The following UBE4B variants were observed in gnomAD, a reference collection of about 807,000 sequenced individuals.
The protein encoded by UBE4B is ubiquitin conjugation factor E4 B.
A neutral mutation model predicts 148.1 loss-of-function variants in UBE4B; 27 were observed. The ratio of observed to expected loss-of-function variants is 0.18; its 90% CI spans 0.13 to 0.25. UBE4B has a LOEUF of 0.25. Among genes scored for constraint, UBE4B ranks in the 10% least tolerant of loss-of-function variants. The pLI, the probability that UBE4B is intolerant of heterozygous loss-of-function variation, is 1.00. For missense variants in UBE4B, 1,170 were observed against 1,662.4 expected (o/e 0.70, Z 5.15); for synonymous variants, 596 against 619.3 (o/e 0.96, Z 0.56).
At chr1:10,176,580 A>T (rs1646431922) in intron 25 of UBE4B, among the ~76,000 whole-genome samples, 1 of 152,026 alleles carries the variant, frequency 6.6e-6, no homozygotes, top group Non-Finnish European at 1.5e-5. Flanking sequence ...TTAAATACTC[A>T]TCCTAGTGGG....
At chr1:10,091,916 A>AT (rs1644855081) in intron 2 of UBE4B, among the ~76,000 whole-genome samples, 2 of 151,822 alleles carry the variant, frequency 1.3e-5, no homozygotes, top group African/African-American at 4.8e-5. Context: ...TACCTGACTA[A>AT]TTTTTTAAGT....
In UBE4B at chr1:10,106,629, A is replaced by G; in HGVS notation, c.1196+46A>G. 1 of 1,490,140 alleles carries G rather than the reference A, an allele frequency of 6.7e-7. No individual in the cohort carries two copies. The allele number at this position is 1,490,140 out of a possible 1,614,324, so 92.3% of individuals were successfully genotyped here. ...TTGCATGTGTGTTTGCGGTGCAGGG[A>G]AAGGAGATTAACACGGTTTGGAAGA... On this transcript the variant is annotated intron_variant, in intron 7 of 27. Coordinates refer to ENST00000343090, the MANE Select transcript of UBE4B (RefSeq NM_001105562.3). The surrounding 1 kb of genome is among the most constrained non-coding windows in gnomAD (Gnocchi z 4.2).
rs1646166559 is a variant in UBE4B at position 10,161,910 on chromosome 1, T to G, written c.3198+624T>G. Among the ~76,000 whole-genome samples the G allele has an allele frequency of 6.6e-6, 1 of 152,196 alleles. No homozygotes were observed. The highest frequency in any genetic ancestry group is 2.4e-5 in the African/African-American group (1 of 41,454). On this transcript the variant is annotated intron_variant, in intron 23 of 27. Transcript: ENST00000343090. This position sits in a 1 kb window ranked among gnomAD's most constrained non-coding sequence, Gnocchi z 4.1. ...TAGATTGGCTTAGGTTTATTGATTC[T>G]GTTCTTGGAATTGTCAGGCTCAGAA...
At chr1:10,097,376 G>A (rs369030513) in intron 3 of UBE4B, among the ~76,000 whole-genome samples, 8 of 152,088 alleles carry the variant, frequency 5.3e-5, no homozygotes, top group Non-Finnish European at 8.8e-5. Context: ...CAGGGGTCCA[G>A]GATATATCTA....
At chr1:10,057,292 C>T (rs2101805041) in intron 1 of UBE4B, among the ~76,000 whole-genome samples, 1 of 152,006 alleles carries the variant, frequency 6.6e-6, no homozygotes, top group South Asian at 2.1e-4. Context: ...ACACAATTAA[C>T]AATTTTTGTT....
intron 20 of UBE4B, among the ~76,000 whole-genome samples, chr1:10,150,366 A>AT (rs2101985750): frequency 6.6e-6 from 1 of 152,362 alleles, no homozygotes; most frequent in East Asian, 1.9e-4. Context: ...GCACAGTGAT[A>AT]CAAAAGACAC....
chr1:10,106,207 A>G lies in UBE4B; in HGVS notation c.820A>G (p.Ser274Gly), dbSNP rs1273592776. 6.3e-7 allele frequency: 1 copy of G among 1,596,986 alleles called. No individual in the cohort carries two copies. The highest frequency in any genetic ancestry group is 8.6e-7 in the Non-Finnish European group (1 of 1,168,058). The change falls in exon 7 of 28, where the codon AGT becomes GGT. Residue 274 changes from serine (S) to glycine (G), a missense_variant. Physicochemically the swap from Ser to Gly is moderately conservative, Grantham distance 56. This residue lies in a region of UBE4B where 214 missense variants were observed against 209.1 expected (regional missense o/e 1.02). Transcript: ENST00000343090. This position sits in a 1 kb window ranked among gnomAD's most constrained non-coding sequence, Gnocchi z 4.2. ...GASSLSSLYESSPAPTPSFWS... is the reference protein window; with the variant it reads ...GASSLSSLYEGSPAPTPSFWS... ...TCTCAACTAATTTAGCCTCTATGAA[A>G]GTAGTCCGGCTCCCACTCCCAGTTT... is the stretch of plus-strand genomic sequence containing the variant.
At chr1:10,132,605 C>G in intron 15 of UBE4B, 123 bp downstream of exon 15, 1 of 723,742 alleles carries the variant, frequency 1.4e-6, no homozygotes, top group East Asian at 2.7e-5. Flanking sequence ...GGTAGACGAG[C>G]TTCCTGCTTT....
At chr1:10,129,669 A>G (rs1206278819) in intron 12 of UBE4B, among the ~76,000 whole-genome samples, 2 of 151,788 alleles carry the variant, frequency 1.3e-5, no homozygotes, top group Admixed American at 6.6e-5. Context: ...TTTTTTTTCT[A>G]AGAATCTCAC....
chr1:10,094,137 A>G (rs916748398), intron 2 of UBE4B, among the ~76,000 whole-genome samples: 8 of 152,322 alleles, frequency 5.3e-5, no homozygotes, highest in Admixed American at 3.3e-4. Flanking sequence ...TAAAATTTCA[A>G]TGTAAAACAT....
chr1:10,075,366 C>A (rs796440251), intron 2 of UBE4B, among the ~76,000 whole-genome samples: 8 of 152,348 alleles, frequency 5.3e-5, no homozygotes, highest in African/African-American at 1.9e-4. Flanking sequence ...CGCTATTACC[C>A]AGGTCCAAGG....
chr1:10,096,553 G>A (rs1644930907), intron 3 of UBE4B, among the ~76,000 whole-genome samples: 1 of 151,954 alleles, frequency 6.6e-6, no homozygotes, highest in African/African-American at 2.4e-5. Context: ...AAACCCTGTT[G>A]CTACTAAAAA....
chr1:10,121,897 G>A, intron 9 of UBE4B, 65 bp from the exon 10 acceptor site: 2 of 1,040,556 alleles, frequency 1.9e-6, no homozygotes, highest in South Asian at 3.2e-5. Flanking sequence ...TTGCTGACAT[G>A]ACATTTCACG....
intron 2 of UBE4B, among the ~76,000 whole-genome samples, chr1:10,087,446 A>G (rs1644783503): frequency 6.6e-6 from 1 of 152,336 alleles, no homozygotes. Flanking sequence ...TATGATTTTG[A>G]CTAAACTAAA....
chr1:10,160,003 C>T (rs1480536644), intron 22 of UBE4B, among the ~76,000 whole-genome samples: 1 of 152,206 alleles, frequency 6.6e-6, no homozygotes, highest in African/African-American at 2.4e-5. Flanking sequence ...ATCGAGGCCT[C>T]CTGCACTTGT....
At position 10,033,468 on chromosome 1, in the gene UBE4B, G is replaced by T; in HGVS notation, c.-203G>T. The T allele has an allele frequency of 2.3e-6, 1 of 441,616 alleles. No homozygotes were observed. The highest frequency in any genetic ancestry group is 3.9e-6 in the Non-Finnish European group (1 of 256,480). The allele number at this position is 441,616 out of a possible 1,614,324, so 27.4% of individuals were successfully genotyped here. A position where few individuals can be genotyped will look rare whatever the true frequency, so the allele number is the denominator to read the frequency against. ...GGAACAAGCGGCTGTAGTAGTCTGTGGGGCGACTGGAGTGACCGAAGCCAA... is the reference window on the plus strand; with the variant it reads ...GGAACAAGCGGCTGTAGTAGTCTGTTGGGCGACTGGAGTGACCGAAGCCAA... On this transcript the variant is annotated 5_prime_UTR_variant, in exon 1 of 28. Transcript: ENST00000343090.
Position 10,033,372 on chromosome 1 carries a change from C to G in UBE4B, c.-299C>G. Reference sequence around the variant, plus strand: ...CTGCCTAGCTGGGTAACCTGGGAAGCAGAGGGTAATAAGTGGCGCCTTAAG... The same window carrying G: ...CTGCCTAGCTGGGTAACCTGGGAAGGAGAGGGTAATAAGTGGCGCCTTAAG... On this transcript the variant is annotated 5_prime_UTR_variant, in exon 1 of 28. Coordinates refer to ENST00000343090, the MANE Select transcript of UBE4B (RefSeq NM_001105562.3). 3.3e-6 allele frequency: 1 copy of G among 301,054 alleles called. No individual in the cohort carries two copies. Among genetic ancestry groups the G allele is most frequent in the Non-Finnish European group, 6.1e-6 (1 of 163,490 alleles). 18.6% of individuals were successfully genotyped at this position (301,054 alleles called of 1,614,324 possible).
Position 10,158,451 on chromosome 1 carries a change from G to T in UBE4B, c.3022G>T (p.Ala1008Ser), listed in dbSNP as rs755420565. 9.9e-6 allele frequency: 16 copies of T among 1,614,100 alleles called. No homozygotes were observed. The Admixed American group carries it at 2.7e-4, about 27-fold the overall frequency. The part of the protein sequence containing the change: ...TIFKSLWQNI[A>S]HHGTFMEEFN... ...TTTTAAAAGCCTTTGGCAAAACATAGCTCACCATGGCACCTTTATGGAGGA... is the reference window on the plus strand; with the variant it reads ...TTTTAAAAGCCTTTGGCAAAACATATCTCACCATGGCACCTTTATGGAGGA... The change falls in exon 22 of 28, where the codon GCT becomes TCT. Residue 1008 changes from alanine to serine, a missense_variant. Ala to Ser is a moderately conservative substitution (Grantham distance 99). Coordinates refer to ENST00000343090, the MANE Select transcript of UBE4B (RefSeq NM_001105562.3).
At chr1:10,107,551 ATTTTCTTT>A (rs1422621543) in intron 7 of UBE4B, among the ~76,000 whole-genome samples, 1 of 148,704 alleles carries the variant, frequency 6.7e-6, no homozygotes, top group Non-Finnish European at 1.5e-5. Flanking sequence ...ACATAGGAGA[ATTTTCTTT>A]TTTTCTTTCT....
Sources: allele counts gnomAD v4.1 joint callset (sites outside exome capture counted in the v4.1 genomes callset), GRCh38; gene constraint gnomAD v4.1.1; regional missense constraint gnomAD v4.1.1; non-coding constraint Gnocchi (gnomAD v3.1); transcripts MANE v1.5; gene names NCBI Gene and HGNC (gene_info 2026-07-23, HGNC 2026-07-21).